Variants in GRIK2 observed in about 807,000 individuals in gnomAD.
The protein encoded by GRIK2 is glutamate receptor ionotropic, kainate 2.
Under a neutral mutation model 100.3 loss-of-function variants are expected in GRIK2, and 32 were observed. The observed-to-expected ratio is 0.32, with a 90% CI of 0.24 to 0.43. GRIK2 has a LOEUF of 0.43. Among genes scored for constraint, GRIK2 ranks in the 20% least tolerant of loss-of-function variants. The pLI is 1.00. For missense variants in GRIK2, 843 were observed against 1,114.9 expected (o/e 0.76, Z 3.47); for synonymous variants, 417 against 389.4 (o/e 1.07, Z -0.83).
chr6:102,063,943 T>C (rs1771876858), intron 16 of GRIK2: 2 of 1,193,790 alleles, frequency 1.7e-6, no homozygotes, highest in South Asian at 1.2e-5. Context: ...AGCTCAAAGA[T>C]TTAAATTTTC....
At chr6:101,631,124 C>T (rs151287178) in intron 4 of GRIK2, among the ~76,000 whole-genome samples, 81 of 152,144 alleles carry the variant, frequency 5.3e-4, no homozygotes, top group Admixed American at 4.3e-3. Context: ...CTTTTAAACA[C>T]GCTGAAAGTC....
chr6:101,533,464 T>A (rs376934400), intron 2 of GRIK2, among the ~76,000 whole-genome samples: 230 of 152,018 alleles, frequency 1.5e-3, no homozygotes, highest in African/African-American at 5.3e-3. Flanking sequence ...AAAAGAGGCA[T>A]GAGTCAAGTT....
intron 12 of GRIK2, among the ~76,000 whole-genome samples, chr6:101,923,833 A>G (rs907621351): frequency 6.7e-6 from 1 of 150,106 alleles, no homozygotes; most frequent in Non-Finnish European, 1.5e-5. Flanking sequence ...AGGCAGGAGA[A>G]TCGCTTGAAC....
At chr6:101,451,594 G>A (rs1412867469) in intron 2 of GRIK2, among the ~76,000 whole-genome samples, 1 of 149,162 alleles carries the variant, frequency 6.7e-6, no homozygotes, top group African/African-American at 2.5e-5. Flanking sequence ...TAGAAAAAAA[G>A]TAAAAGGTAA....
chr6:101,856,644 T>A (rs1371059314), intron 10 of GRIK2, among the ~76,000 whole-genome samples: 1 of 152,146 alleles, frequency 6.6e-6, no homozygotes, highest in East Asian at 1.9e-4. Flanking sequence ...TGAAGTGAAG[T>A]CAGGAGAGGA....
At chr6:101,879,812 A>T (rs1390126926) in intron 11 of GRIK2, among the ~76,000 whole-genome samples, 1 of 151,824 alleles carries the variant, frequency 6.6e-6, no homozygotes, top group African/African-American at 2.4e-5. Flanking sequence ...CGGGGTAGGT[A>T]AACTTGGACC....
intron 2 of GRIK2, among the ~76,000 whole-genome samples, chr6:101,429,861 AT>A (rs1288706616): frequency 2.0e-5 from 3 of 152,190 alleles, no homozygotes; most frequent in African/African-American, 7.2e-5. Context: ...GGATGAATAA[AT>A]TTACAGGTAT....
At chr6:101,720,361 T>A (rs1000437519) in intron 7 of GRIK2, among the ~76,000 whole-genome samples, 1 of 152,086 alleles carries the variant, frequency 6.6e-6, no homozygotes, top group Non-Finnish European at 1.5e-5. Context: ...GTGTTCTATA[T>A]TCTCATACCA....
intron 12 of GRIK2, among the ~76,000 whole-genome samples, chr6:101,896,086 T>G (rs1002466147): frequency 1.3e-5 from 2 of 151,802 alleles, no homozygotes; most frequent in African/African-American, 2.4e-5. Context: ...TTTGTTACAA[T>G]GTACCTCTTT....
chr6:102,021,901 T>A (rs1478993539), intron 14 of GRIK2, among the ~76,000 whole-genome samples: 3 of 150,666 alleles, frequency 2.0e-5, no homozygotes, highest in African/African-American at 7.3e-5. Flanking sequence ...AATAGTAGCG[T>A]AGACCTTTCT....
chr6:101,707,590 GTGTGTATATA>G (rs1773411871), intron 7 of GRIK2, among the ~76,000 whole-genome samples: 3 of 129,486 alleles, frequency 2.3e-5, no homozygotes, highest in Admixed American at 1.6e-4. Context: ...GTGTGTGTGT[GTGTGTATATA>G]TGTGTGTATA....
chr6:101,579,694 T>C (rs1248684789), intron 2 of GRIK2, among the ~76,000 whole-genome samples: 2 of 151,872 alleles, frequency 1.3e-5, no homozygotes, highest in Non-Finnish European at 2.9e-5. Context: ...CTACTAAAAA[T>C]ACAAAAATTA....
chr6:101,497,465 C>T (rs1298269763), intron 2 of GRIK2, among the ~76,000 whole-genome samples: 1 of 150,088 alleles, frequency 6.7e-6, no homozygotes, highest in Non-Finnish European at 1.5e-5. Flanking sequence ...TTAGTTTGAT[C>T]TATTCACTCT....
intron 2 of GRIK2, among the ~76,000 whole-genome samples, chr6:101,515,466 C>A (rs1430716505): frequency 1.3e-5 from 2 of 152,062 alleles, no homozygotes; most frequent in African/African-American, 4.8e-5. Context: ...AGTAGTTCTA[C>A]TTTTAGTTCT....
At chr6:101,796,825 G>T (rs1368039460) in intron 7 of GRIK2, among the ~76,000 whole-genome samples, 1 of 152,084 alleles carries the variant, frequency 6.6e-6, no homozygotes, top group East Asian at 1.9e-4. Context: ...GGCTACAGAT[G>T]TGTGCCACTG....
chr6:101,602,905 T>C (rs685686), intron 2 of GRIK2, among the ~76,000 whole-genome samples: 45,171 of 151,470 alleles, frequency 0.3, 7,477 homozygotes, highest in African/African-American at 0.44. Flanking sequence ...GTCATAGCTC[T>C]AATCAAACAG....
At chr6:101,714,751 T>C (rs1301676211) in intron 7 of GRIK2, among the ~76,000 whole-genome samples, 1 of 151,830 alleles carries the variant, frequency 6.6e-6, no homozygotes, top group Non-Finnish European at 1.5e-5. Flanking sequence ...TCCTTATTTT[T>C]GTTTTTAATG....
At chr6:101,645,237 TA>T (rs1781467350) in intron 4 of GRIK2, among the ~76,000 whole-genome samples, 1 of 151,900 alleles carries the variant, frequency 6.6e-6, no homozygotes, top group East Asian at 1.9e-4. Flanking sequence ...ATTTACCTCT[TA>T]AACTATAGTG....
At chr6:101,542,651 C>T (rs1331237551) in intron 2 of GRIK2, among the ~76,000 whole-genome samples, 2 of 152,034 alleles carry the variant, frequency 1.3e-5, no homozygotes, top group Non-Finnish European at 2.9e-5. Flanking sequence ...TTTTTAGACG[C>T]TACTTACAAA....
Sources: gnomAD v4.1 joint callset for allele counts (sites outside exome capture counted in the v4.1 genomes callset) on GRCh38, gnomAD v4.1.1 for gene constraint, MANE v1.5 for transcripts, NCBI Gene and HGNC (gene_info 2026-07-23, HGNC 2026-07-21) for gene names.